Variants in LINGO2 observed in about 807,000 individuals in gnomAD.
The protein encoded by LINGO2 is leucine rich repeat and Ig domain containing 2.
A neutral mutation model predicts 30.6 loss-of-function variants in LINGO2; 14 were observed. The observed-to-expected ratio is 0.46, with a 90% confidence interval of 0.30 to 0.72. The LOEUF is 0.72. Among genes scored for constraint, LINGO2 ranks in the 30% least tolerant of loss-of-function variants. The pLI is 0.07. For synonymous variants in LINGO2, 317 were observed against 288.5 expected (o/e 1.10, Z -1.00); for missense variants, 729 against 751.7 (o/e 0.97, Z 0.35).
chr9:28,943,149 C>T, the LINGO2 span, among the ~76,000 whole-genome samples: 1 of 152,148 alleles, frequency 6.6e-6, no homozygotes, highest in Non-Finnish European at 1.5e-5. Context: ...GACGCAATCT[C>T]AGGCTGGGTC....
intron 2 of LINGO2, among the ~76,000 whole-genome samples, chr9:28,418,777 A>G (rs1448145243): frequency 1.3e-5 from 2 of 152,052 alleles, no homozygotes; most frequent in Non-Finnish European, 2.9e-5. Context: ...GATTACAAGG[A>G]AATTTTTGAT....
chr9:28,702,090 T>C, the LINGO2 span, among the ~76,000 whole-genome samples: 1 of 151,850 alleles, frequency 6.6e-6, no homozygotes, highest in African/African-American at 2.4e-5. Flanking sequence ...ACTTCTTACT[T>C]CCCAATTTGT....
chr9:28,822,709 G>A, the LINGO2 span, among the ~76,000 whole-genome samples: 3 of 152,136 alleles, frequency 2.0e-5, no homozygotes, highest in Non-Finnish European at 4.4e-5. Context: ...TTGGGACTCC[G>A]ACTGGCTCTT....
chr9:28,037,521 C>T (rs1212700656), intron 4 of LINGO2, among the ~76,000 whole-genome samples: 1 of 152,098 alleles, frequency 6.6e-6, no homozygotes, highest in African/African-American at 2.4e-5. Flanking sequence ...TTACTCGTTC[C>T]TTTGCACTGC....
chr9:27,989,449 G>A (rs546580125), intron 5 of LINGO2, among the ~76,000 whole-genome samples: 1 of 64,122 alleles, frequency 1.6e-5, no homozygotes, highest in Non-Finnish European at 3.0e-5. Flanking sequence ...TGCTCTCTGT[G>A]TGTGTGTGTG....
At chr9:29,116,680 G>GA in the LINGO2 span, among the ~76,000 whole-genome samples, 62 of 134,722 alleles carry the variant, frequency 4.6e-4, no homozygotes, top group South Asian at 1.4e-3. Flanking sequence ...TAATGTTCAA[G>GA]AAAAAAAAAA....
chr9:29,201,349 TATC>T, the LINGO2 span, among the ~76,000 whole-genome samples: 1 of 152,114 alleles, frequency 6.6e-6, no homozygotes, highest in Admixed American at 6.6e-5. Context: ...ATAATTCACA[TATC>T]ATACAATTTA....
At chr9:28,189,135 A>G (rs866875193) in intron 4 of LINGO2, among the ~76,000 whole-genome samples, 4 of 152,014 alleles carry the variant, frequency 2.6e-5, no homozygotes, top group Non-Finnish European at 4.4e-5. Flanking sequence ...TCCTGAGGTT[A>G]GCTTTATACA....
the LINGO2 span, among the ~76,000 whole-genome samples, chr9:29,173,293 T>C: frequency 1.3e-5 from 2 of 152,104 alleles, no homozygotes; most frequent in Admixed American, 6.6e-5. Flanking sequence ...GTAGTAATTA[T>C]GTTAGAGTTT....
chr9:28,889,177 GT>G, the LINGO2 span, among the ~76,000 whole-genome samples: 2 of 152,106 alleles, frequency 1.3e-5, no homozygotes, highest in Non-Finnish European at 1.5e-5. Flanking sequence ...CACTGTTCTT[GT>G]TTTAAAGATA....
chr9:28,701,578 G>C, the LINGO2 span, among the ~76,000 whole-genome samples: 1 of 151,928 alleles, frequency 6.6e-6, no homozygotes, highest in Non-Finnish European at 1.5e-5. Context: ...GTTAACGTCA[G>C]TCCTGTGACC....
intron 5 of LINGO2, among the ~76,000 whole-genome samples, chr9:27,992,171 C>G (rs1443735678): frequency 6.6e-6 from 1 of 150,998 alleles, no homozygotes; most frequent in African/African-American, 2.5e-5. Context: ...GAAAATACCC[C>G]TCCAGTCCTT....
chr9:29,194,649 A>G, the LINGO2 span, among the ~76,000 whole-genome samples: 3 of 152,014 alleles, frequency 2.0e-5, no homozygotes, highest in Non-Finnish European at 4.4e-5. Flanking sequence ...CACCCCACTA[A>G]CTATGCTCTG....
intron 5 of LINGO2, among the ~76,000 whole-genome samples, chr9:27,993,800 C>A (rs1821517048): frequency 6.6e-6 from 1 of 151,904 alleles, no homozygotes; most frequent in Admixed American, 6.6e-5. Context: ...AACATAAAAG[C>A]AATTGAATCA....
At chr9:27,959,473 G>T (rs1007883833) in intron 5 of LINGO2, among the ~76,000 whole-genome samples, 1 of 151,406 alleles carries the variant, frequency 6.6e-6, no homozygotes, top group Non-Finnish European at 1.5e-5. Context: ...GGTCAAAAAC[G>T]TTTTCTAATT....
chr9:28,645,757 AT>A (rs2135951780), intron 1 of LINGO2, among the ~76,000 whole-genome samples: 1 of 152,214 alleles, frequency 6.6e-6, no homozygotes, highest in South Asian at 2.1e-4. Flanking sequence ...ATGATATCTA[AT>A]ATCAGACTAT....
chr9:28,430,109 C>T (rs60486834), intron 2 of LINGO2, among the ~76,000 whole-genome samples: 2,021 of 136,152 alleles, frequency 0.015, 51 homozygotes, highest in East Asian at 0.097. Context: ...CGCGCGCGCG[C>T]GTGTGTGTGT....
intron 1 of LINGO2, among the ~76,000 whole-genome samples, chr9:28,646,550 T>G (rs979864075): frequency 7.9e-5 from 12 of 152,054 alleles, no homozygotes; most frequent in African/African-American, 2.2e-4. Flanking sequence ...GATACTAACA[T>G]GATATGAACC....
chr9:28,008,854 G>A (rs1822403145), intron 5 of LINGO2, among the ~76,000 whole-genome samples: 1 of 152,096 alleles, frequency 6.6e-6, no homozygotes, highest in Admixed American at 6.6e-5. Flanking sequence ...GTGATTTGCA[G>A]ATTTAATGTA....
Sources: allele counts gnomAD v4.1 joint callset (sites outside exome capture counted in the v4.1 genomes callset), GRCh38; gene constraint gnomAD v4.1.1; transcripts MANE v1.5; gene names NCBI Gene and HGNC (gene_info 2026-07-23, HGNC 2026-07-21).